Variants in GLI3 observed in about 807,000 individuals in gnomAD.
GLI3 encodes the protein transcription activator GLI3.
GLI3 carries 20 observed loss-of-function variants against 100.8 expected under a neutral mutation model. The observed-to-expected ratio is 0.20, with a 90% CI of 0.14 to 0.29. The LOEUF (loss-of-function observed/expected upper bound fraction) is 0.29. Among genes scored for constraint, GLI3 ranks in the 10% least tolerant of loss-of-function variants. The pLI is 1.00. For missense variants in GLI3, 2,040 were observed against 2,128.5 expected (o/e 0.96, Z 0.82); for synonymous variants, 938 against 860.5 (o/e 1.09, Z -1.58).
rs1025770632 is a variant in GLI3 at position 41,964,265 on chromosome 7, A to G, written c.*65T>C. 2 of 1,442,632 alleles carry G rather than the reference A, an allele frequency of 1.4e-6. No homozygotes were observed. The highest frequency in any genetic ancestry group is 1.9e-6 in the Non-Finnish European group (2 of 1,027,482). 89.4% of individuals were successfully genotyped at this position (1,442,632 alleles called of 1,614,324 possible). On this transcript the variant is annotated 3_prime_UTR_variant, in exon 15 of 15. Coordinates refer to ENST00000395925, the MANE Select transcript of GLI3 (RefSeq NM_000168.6). ...ACAGAACTAAAAAAACAGCCAAAAC[A>G]AAGTCAGTTTAATCTCTTCAACTCC...
chr7:42,211,302 T>A (rs1788269530), intron 2 of GLI3, among the ~76,000 whole-genome samples: 1 of 152,216 alleles, frequency 6.6e-6, no homozygotes, highest in Non-Finnish European at 1.5e-5. Context: ...TACACATGGT[T>A]TTTGCTAAGT....
At chr7:42,170,867 T>C (rs1245439822) in intron 2 of GLI3, among the ~76,000 whole-genome samples, 4 of 152,234 alleles carry the variant, frequency 2.6e-5, no homozygotes, top group African/African-American at 9.6e-5. Flanking sequence ...GTATTAGACA[T>C]TCTGTGAGCT....
chr7:42,015,692 C>A (rs1788739406), intron 10 of GLI3, among the ~76,000 whole-genome samples: 2 of 151,640 alleles, frequency 1.3e-5, no homozygotes, highest in African/African-American at 4.8e-5. Flanking sequence ...TGTGCCTAAC[C>A]TTAGCAAATG....
chr7:42,000,082 G>A (rs1259295866), intron 10 of GLI3, among the ~76,000 whole-genome samples: 8 of 152,204 alleles, frequency 5.3e-5, no homozygotes, highest in African/African-American at 9.7e-5. Flanking sequence ...AGCCAAGCAC[G>A]CTCATCTGTT....
In GLI3 at chr7:41,964,321, T is replaced by C. The variant is rs187024593; in HGVS notation, c.*9A>G. 1.6e-4 allele frequency: 266 copies of C among 1,613,204 alleles called. No homozygotes were observed. The African/African-American group carries it at 3.1e-3, about 19-fold the overall frequency. The stretch of plus-strand genomic sequence containing the variant: ...ATTTCCGTTGGTTGCAGTCTTTTTT[T>C]CCTAAAGCCTATTGCATAACTGCAA... On this transcript the variant is annotated 3_prime_UTR_variant, in exon 15 of 15. Coordinates refer to ENST00000395925, the MANE Select transcript of GLI3 (RefSeq NM_000168.6).
chr7:41,981,122 T>A (rs767905885), intron 10 of GLI3, among the ~76,000 whole-genome samples: 1 of 152,080 alleles, frequency 6.6e-6, no homozygotes, highest in African/African-American at 2.4e-5. Context: ...AGCGGACCGA[T>A]GACACAGAAG....
intron 7 of GLI3, among the ~76,000 whole-genome samples, chr7:42,037,191 G>A (rs1784029339): frequency 6.6e-6 from 1 of 152,150 alleles, no homozygotes; most frequent in African/African-American, 2.4e-5. Flanking sequence ...AAATAGCTGT[G>A]ACGTGAGAAC....
At chr7:42,009,721 C>T (rs1055145834) in intron 10 of GLI3, among the ~76,000 whole-genome samples, 15 of 152,264 alleles carry the variant, frequency 9.9e-5, no homozygotes, top group Non-Finnish European at 1.6e-4. Flanking sequence ...TCTCAGTTCT[C>T]GTTCCAAACA....
intron 4 of GLI3, among the ~76,000 whole-genome samples, chr7:42,053,574 G>T (rs1029302421): frequency 1.2e-4 from 18 of 152,304 alleles, no homozygotes; most frequent in African/African-American, 4.3e-4. Flanking sequence ...AAGATTAAAA[G>T]TAGTGCCAGG....
chr7:42,139,404 G>A (rs1449603469), intron 3 of GLI3, among the ~76,000 whole-genome samples: 1 of 152,196 alleles, frequency 6.6e-6, no homozygotes, highest in African/African-American at 2.4e-5. Context: ...TGCTGGCTGG[G>A]CATGGTGGCT....
intron 3 of GLI3, among the ~76,000 whole-genome samples, chr7:42,143,004 G>T (rs1786610196): frequency 1.3e-5 from 2 of 150,838 alleles, no homozygotes; most frequent in Admixed American, 6.6e-5. Context: ...ATTACCTCTG[G>T]ATTACTAAAA....
At chr7:42,005,453 T>TCATATACA (rs1554311690) in intron 10 of GLI3, among the ~76,000 whole-genome samples, 2 of 60,286 alleles carry the variant, frequency 3.3e-5, no homozygotes, top group African/African-American at 9.0e-5. Context: ...TATCCTGAAT[T>TCATATACA]CACATACACA....
intron 2 of GLI3, among the ~76,000 whole-genome samples, chr7:42,168,292 A>C (rs1320465378): frequency 1.3e-5 from 2 of 152,180 alleles, no homozygotes; most frequent in African/African-American, 4.8e-5. Flanking sequence ...GCTGTTCTTT[A>C]CTTTGCTCAA....
chr7:42,013,351 T>C (rs1176627660), intron 10 of GLI3, among the ~76,000 whole-genome samples: 1 of 152,130 alleles, frequency 6.6e-6, no homozygotes, highest in African/African-American at 2.4e-5. Flanking sequence ...AGGTGATGCC[T>C]GTGTGCCACA....
intron 4 of GLI3, among the ~76,000 whole-genome samples, chr7:42,049,933 G>C (rs1048954513): frequency 3.9e-5 from 6 of 152,178 alleles, no homozygotes; most frequent in African/African-American, 1.4e-4. Context: ...GAAATGAAAG[G>C]GAGGGGGAAA....
chr7:42,258,323 A>G (rs1412427689), intron 1 of GLI3, among the ~76,000 whole-genome samples: 9 of 152,208 alleles, frequency 5.9e-5, no homozygotes, highest in Non-Finnish European at 1.5e-5. Flanking sequence ...AGCTCTGGTC[A>G]ATATACTGTA....
chr7:42,031,495 C>G (rs2128734736), intron 7 of GLI3, among the ~76,000 whole-genome samples: 1 of 152,330 alleles, frequency 6.6e-6, no homozygotes, highest in African/African-American at 2.4e-5. Context: ...AGGCCTGTTT[C>G]TCTGTGCATT....
chr7:42,168,960 G>A (rs764403451), intron 2 of GLI3, among the ~76,000 whole-genome samples: 13 of 152,128 alleles, frequency 8.5e-5, no homozygotes, highest in Admixed American at 2.0e-4. Context: ...AATACATGCT[G>A]TTAGGTGTCA....
intron 10 of GLI3, among the ~76,000 whole-genome samples, chr7:41,992,045 C>T (rs1041718397): frequency 2.0e-5 from 3 of 152,132 alleles, no homozygotes; most frequent in Non-Finnish European, 4.4e-5. Flanking sequence ...AGATCCCAGG[C>T]AACCAAGAGC....
Sources: gnomAD v4.1 joint callset for allele counts (sites outside exome capture counted in the v4.1 genomes callset) on GRCh38, gnomAD v4.1.1 for gene constraint, MANE v1.5 for transcripts, NCBI Gene and HGNC (gene_info 2026-07-23, HGNC 2026-07-21) for gene names.